Variants in STXBP5L observed in about 807,000 individuals in gnomAD.
The protein encoded by STXBP5L is syntaxin binding protein 5L.
A neutral mutation model predicts 144.5 loss-of-function variants in STXBP5L; 65 were observed. The observed-to-expected ratio is 0.45, with a 90% confidence interval of 0.37 to 0.55. The LOEUF (loss-of-function observed/expected upper bound fraction) is 0.55. Ranked by LOEUF, STXBP5L falls within the 20% of genes least tolerant of loss-of-function variation. The probability of loss-of-function intolerance (pLI) is 0.00; values close to 1 mark genes in which losing one functional copy is unlikely to be tolerated. For synonymous variants in STXBP5L, 505 were observed against 469.6 expected (o/e 1.08, Z -0.97); for missense variants, 1,298 against 1,405.5 (o/e 0.92, Z 1.22).
At chr3:121,380,509 C>G (rs932071703) in intron 21 of STXBP5L, among the ~76,000 whole-genome samples, 2 of 151,956 alleles carry the variant, frequency 1.3e-5, no homozygotes, top group African/African-American at 4.8e-5. Flanking sequence ...ACCTTGATAA[C>G]ATTTCACTGA....
At chr3:121,030,492 A>T (rs761186997) in intron 3 of STXBP5L, among the ~76,000 whole-genome samples, 1 of 152,102 alleles carries the variant, frequency 6.6e-6, no homozygotes. Flanking sequence ...GAACACATGG[A>T]TACAGCATGG....
At chr3:121,062,838 A>G (rs952572088) in intron 5 of STXBP5L, among the ~76,000 whole-genome samples, 4 of 152,138 alleles carry the variant, frequency 2.6e-5, no homozygotes, top group African/African-American at 9.7e-5. Flanking sequence ...GTTCTCATTC[A>G]GTGTTTTTCA....
intron 5 of STXBP5L, among the ~76,000 whole-genome samples, chr3:121,062,667 T>C (rs1347753690): frequency 2.0e-5 from 3 of 152,244 alleles, no homozygotes; most frequent in Non-Finnish European, 4.4e-5. Context: ...GTTAGGTCTT[T>C]TCACATAGTC....
intron 15 of STXBP5L, 89 bp from the exon 16 acceptor site, chr3:121,254,806 T>C: frequency 8.5e-7 from 1 of 1,171,500 alleles, no homozygotes; most frequent in South Asian, 1.7e-5. Context: ...GGTTTACTTT[T>C]GTTGTTTAAC....
At chr3:121,244,753 G>A (rs1246982385) in intron 14 of STXBP5L, among the ~76,000 whole-genome samples, 2 of 152,000 alleles carry the variant, frequency 1.3e-5, no homozygotes, top group African/African-American at 4.8e-5. Flanking sequence ...CAGAAGCATG[G>A]CAGACTAGAA....
chr3:121,155,153 G>A (rs2046068413), intron 8 of STXBP5L, among the ~76,000 whole-genome samples: 1 of 151,696 alleles, frequency 6.6e-6, no homozygotes, highest in African/African-American at 2.4e-5. Context: ...CTCAATTGTC[G>A]ACAATACACA....
intron 16 of STXBP5L, among the ~76,000 whole-genome samples, chr3:121,255,791 G>A (rs1416786379): frequency 1.3e-5 from 2 of 151,932 alleles, no homozygotes; most frequent in East Asian, 3.8e-4. Context: ...GAAATACTCT[G>A]CTTATTCAAA....
intron 10 of STXBP5L, among the ~76,000 whole-genome samples, chr3:121,208,538 G>T (rs2048429300): frequency 6.6e-6 from 1 of 151,940 alleles, no homozygotes; most frequent in Non-Finnish European, 1.5e-5. Flanking sequence ...TATAACTAAA[G>T]TATTAGAAAG....
intron 7 of STXBP5L, among the ~76,000 whole-genome samples, chr3:121,134,059 G>T (rs2045126093): frequency 6.6e-6 from 1 of 152,108 alleles, no homozygotes; most frequent in Non-Finnish European, 1.5e-5. Flanking sequence ...TCTGTTGATT[G>T]TAATAGAATA....
At chr3:121,388,758 G>A (rs2046494639) in intron 22 of STXBP5L, among the ~76,000 whole-genome samples, 1 of 152,198 alleles carries the variant, frequency 6.6e-6, no homozygotes, top group African/African-American at 2.4e-5. Flanking sequence ...GATCGTGGTG[G>A]ATAAGCTTTT....
At chr3:121,112,777 C>T (rs1047219672) in intron 5 of STXBP5L, among the ~76,000 whole-genome samples, 21 of 151,898 alleles carry the variant, frequency 1.4e-4, no homozygotes, top group Admixed American at 3.9e-4. Flanking sequence ...TAGAAAAAAT[C>T]CTTCATCTAT....
intron 20 of STXBP5L, among the ~76,000 whole-genome samples, chr3:121,374,932 A>T (rs556298726): frequency 6.7e-6 from 1 of 149,766 alleles, no homozygotes; most frequent in Non-Finnish European, 1.5e-5. Flanking sequence ...AATACTGCAT[A>T]TTCTAACTTA....
chr3:121,257,037 C>T (rs1398321986), intron 16 of STXBP5L, 124 bp from the exon 17 acceptor site: 1 of 681,998 alleles, frequency 1.5e-6, no homozygotes, highest in Admixed American at 3.0e-5. Context: ...TTGAAAAAAA[C>T]TGTGTGAATG....
intron 9 of STXBP5L, among the ~76,000 whole-genome samples, chr3:121,204,543 C>T (rs2108226350): frequency 1.3e-5 from 2 of 152,096 alleles, no homozygotes; most frequent in East Asian, 3.9e-4. Flanking sequence ...TTTGGATATG[C>T]TTATGTTATT....
chr3:121,196,599 GT>G (rs893009697), intron 9 of STXBP5L, among the ~76,000 whole-genome samples: 16 of 151,592 alleles, frequency 1.1e-4, no homozygotes, highest in African/African-American at 1.7e-4. Context: ...TTTCAGTTTA[GT>G]TTTTTTTATT....
intron 5 of STXBP5L, among the ~76,000 whole-genome samples, chr3:121,113,566 A>G (rs1397423850): frequency 6.6e-6 from 1 of 152,074 alleles, no homozygotes. Context: ...TTTGAATAAT[A>G]TATGAAGTTT....
At chr3:121,174,385 G>T (rs1210715810) in intron 9 of STXBP5L, among the ~76,000 whole-genome samples, 2 of 152,036 alleles carry the variant, frequency 1.3e-5, no homozygotes, top group African/African-American at 4.8e-5. Context: ...TTAGGCTAAA[G>T]CTGTTTGTCT....
chr3:121,314,576 G>C (rs942959947), intron 19 of STXBP5L, among the ~76,000 whole-genome samples: 2 of 127,106 alleles, frequency 1.6e-5, no homozygotes, highest in African/African-American at 5.8e-5. Context: ...GCATCAGAGG[G>C]AGACCGTGGA....
At chr3:121,397,772 A>C (rs894674495) in intron 22 of STXBP5L, among the ~76,000 whole-genome samples, 1 of 152,244 alleles carries the variant, frequency 6.6e-6, no homozygotes, top group African/African-American at 2.4e-5. Context: ...CAGAAATTAT[A>C]ATTGGTTGAA....
Sources: gnomAD v4.1 joint callset for allele counts (sites outside exome capture counted in the v4.1 genomes callset) on GRCh38, gnomAD v4.1.1 for gene constraint, MANE v1.5 for transcripts, NCBI Gene and HGNC (gene_info 2026-07-23, HGNC 2026-07-21) for gene names.